Variants in GRAMD1B observed in about 807,000 individuals in gnomAD.
GRAMD1B encodes GRAM domain containing 1B, also known as protein Aster-B.
In GRAMD1B, 37 loss-of-function variants were observed where a neutral mutation model predicts 99.7. The ratio of observed to expected loss-of-function variants is 0.37; its 90% CI spans 0.29 to 0.49. The LOEUF is 0.49. GRAMD1B is among the 20% of genes least tolerant of loss of function. GRAMD1B has a pLI of 0.98. For synonymous variants in GRAMD1B, 427 were observed against 387.6 expected, an observed-to-expected ratio of 1.10 and a Z score of -1.19; for missense variants, 888 against 1,009.2, an observed-to-expected ratio of 0.88 and a Z score of 1.63.
intron 16 of GRAMD1B, 92 bp downstream of exon 16, chr11:123,613,750 C>A: frequency 2.4e-6 from 2 of 832,192 alleles, no homozygotes; most frequent in Non-Finnish European, 3.9e-6. Context: ...ACTCATTTTG[C>A]ACCTTGGCTA....
intron 3 of GRAMD1B, among the ~76,000 whole-genome samples, chr11:123,582,830 T>C (rs1949525200): frequency 1.3e-5 from 2 of 152,214 alleles, no homozygotes; most frequent in African/African-American, 4.8e-5. Flanking sequence ...TGGCTACTCT[T>C]GTCTGCCCTT....
Position 123,547,236 on chromosome 11 carries a change from A to G in GRAMD1B, c.453-30131A>G, listed in dbSNP as rs184390238. ...CCCCCAACAATAGAGGGAGGACCCC[A>G]ACTCTCAATCTGGAGAAGAAGGATC... On this transcript the variant is annotated intron_variant, in intron 2 of 19. Transcript: ENST00000635736. Among the ~76,000 whole-genome samples, 830 of 152,302 alleles carry G rather than the reference A, an allele frequency of 5.4e-3. 5 individuals are homozygous for G. Among genetic ancestry groups the G allele is most frequent in the Non-Finnish European group, 7.8e-3 (533 of 68,028 alleles).
intron 16 of GRAMD1B, among the ~76,000 whole-genome samples, chr11:123,614,380 C>T (rs1954050037): frequency 6.6e-6 from 1 of 152,194 alleles, no homozygotes; most frequent in African/African-American, 2.4e-5. Flanking sequence ...ATGACTTGTC[C>T]TCCATCATGT....
intron 2 of GRAMD1B, among the ~76,000 whole-genome samples, chr11:123,555,786 C>A (rs1418755056): frequency 6.6e-6 from 1 of 151,808 alleles, no homozygotes; most frequent in Admixed American, 6.6e-5. Flanking sequence ...TCAGCTGGAG[C>A]ACAATGGCAC....
At position 123,541,056 on chromosome 11, in the gene GRAMD1B, C is replaced by G. The variant is rs1010517581; in HGVS notation, c.453-36311C>G. On this transcript the variant is annotated intron_variant, in intron 2 of 19. Coordinates refer to ENST00000635736, the MANE Select transcript of GRAMD1B (RefSeq NM_001387025.1). Reference sequence around the variant, plus strand: ...TGGCGTGATCTCGGCTCATCGCAACCTCCGCCTCCCGGGTTCAAGGAGTTC... The same window carrying G: ...TGGCGTGATCTCGGCTCATCGCAACGTCCGCCTCCCGGGTTCAAGGAGTTC... Among the ~76,000 whole-genome samples the G allele has an allele frequency of 2.6e-5, 4 of 152,112 alleles. No individual in the cohort carries two copies. The East Asian group carries it at 7.7e-4, about 29-fold the overall frequency.
At chr11:123,619,552 C>T in intron 19 of GRAMD1B, 2 of 1,187,058 alleles carry the variant, frequency 1.7e-6, no homozygotes, top group Non-Finnish European at 2.1e-6. Context: ...AGAGAACCCC[C>T]TCAGCCCTTT....
intron 1 of GRAMD1B, among the ~76,000 whole-genome samples, chr11:123,395,359 A>T (rs1947422676): frequency 6.6e-6 from 1 of 152,094 alleles, no homozygotes; most frequent in Non-Finnish European, 1.5e-5. Flanking sequence ...AAAGGGAAAC[A>T]TGAATTCTCC....
chr11:123,597,848 A>G (rs1461125292), intron 7 of GRAMD1B: 5 of 713,810 alleles, frequency 7.0e-6, no homozygotes, highest in East Asian at 2.5e-5. Context: ...ACTAAGTAGC[A>G]AAAGGTCTTT....
intron 2 of GRAMD1B, among the ~76,000 whole-genome samples, chr11:123,508,469 A>G (rs1176743314): frequency 2.0e-5 from 3 of 152,216 alleles, no homozygotes; most frequent in Non-Finnish European, 4.4e-5. Flanking sequence ...CACTCAAACT[A>G]TAATAGAAAT....
chr11:123,385,012 A>G (rs1004056764), intron 1 of GRAMD1B, among the ~76,000 whole-genome samples: 2 of 152,230 alleles, frequency 1.3e-5, no homozygotes, highest in Non-Finnish European at 1.5e-5. Context: ...TTATGTTTCC[A>G]GTAGTTCAGT....
At chr11:123,397,829 C>T (rs1777200429) in intron 1 of GRAMD1B, among the ~76,000 whole-genome samples, 1 of 152,110 alleles carries the variant, frequency 6.6e-6, no homozygotes, top group Admixed American at 6.5e-5. Context: ...TGTATAAGTA[C>T]ATAGAATATG....
At chr11:123,380,126 GT>G (rs1946823601) in intron 1 of GRAMD1B, among the ~76,000 whole-genome samples, 1 of 152,138 alleles carries the variant, frequency 6.6e-6, no homozygotes, top group Non-Finnish European at 1.5e-5. Context: ...AATTCATCAG[GT>G]TGTCTTTTCA....
At chr11:123,436,172 A>C (rs1949152303) in intron 1 of GRAMD1B, among the ~76,000 whole-genome samples, 2 of 151,954 alleles carry the variant, frequency 1.3e-5, no homozygotes, top group African/African-American at 4.8e-5. Context: ...TGAACTCCTG[A>C]CCTCATGATC....
chr11:123,410,054 T>C (rs1947987422), intron 1 of GRAMD1B, among the ~76,000 whole-genome samples: 1 of 152,102 alleles, frequency 6.6e-6, no homozygotes, highest in African/African-American at 2.4e-5. Flanking sequence ...TCTGACCCCC[T>C]GTGCCAGACA....
chr11:123,396,201 T>A (rs1289410770), intron 1 of GRAMD1B, among the ~76,000 whole-genome samples: 3 of 126,310 alleles, frequency 2.4e-5, no homozygotes, highest in Non-Finnish European at 5.2e-5. Context: ...TTTTCTTTCC[T>A]TTTTTTTTTT....
exon 1 of GRAMD1B, chr11:123,358,528 G>C (rs1360733014): frequency 6.6e-6 from 1 of 152,088 alleles, no homozygotes; most frequent in Non-Finnish European, 1.5e-5. Flanking sequence ...GGGCGCAGCC[G>C]GCCGTCCCGG....
At chr11:123,572,945 T>C (rs1415798161) in intron 2 of GRAMD1B, among the ~76,000 whole-genome samples, 1 of 150,254 alleles carries the variant, frequency 6.7e-6, no homozygotes, top group Admixed American at 6.6e-5. Context: ...CCCCGATGGC[T>C]GGGGCAGGGG....
chr11:123,626,626 CCCTG>C lies in GRAMD1B; in HGVS notation c.*4039_*4042del, dbSNP rs1955523562. ...GGCTCTGGCCTCCCTACACCTCATA[CCCTG>C]CCTGCCTCCTCCAGGAGGAATCTCC... On this transcript the variant is annotated 3_prime_UTR_variant, in exon 20 of 20. Transcript: ENST00000635736. 6.6e-6 allele frequency: 1 copy of C among 152,224 alleles called. No individual in the cohort carries two copies. Among genetic ancestry groups the C allele is most frequent in the Non-Finnish European group, 1.5e-5 (1 of 68,116 alleles). The allele number at this position is 152,224 out of a possible 1,614,324, so 9.4% of individuals were successfully genotyped here.
chr11:123,482,871 C>T (rs913861096), intron 2 of GRAMD1B, among the ~76,000 whole-genome samples: 1 of 152,002 alleles, frequency 6.6e-6, no homozygotes, highest in Non-Finnish European at 1.5e-5. Flanking sequence ...CCAGCCTGGC[C>T]AACATGGGGA....
Sources: allele counts gnomAD v4.1 joint callset (sites outside exome capture counted in the v4.1 genomes callset), GRCh38; gene constraint gnomAD v4.1.1; transcripts MANE v1.5; gene names NCBI Gene and HGNC (gene_info 2026-07-23, HGNC 2026-07-21).